The following LARP4B variants were observed in gnomAD, a reference collection of about 807,000 sequenced individuals.
LARP4B encodes la-related protein 4B.
A neutral mutation model predicts 89.8 loss-of-function variants in LARP4B; 12 were observed. The ratio of observed to expected loss-of-function variants is 0.13; its 90% CI spans 0.09 to 0.22. LARP4B has a LOEUF of 0.22. Among genes scored for constraint, LARP4B ranks in the 10% least tolerant of loss-of-function variants. LARP4B has a pLI of 1.00. For missense variants in LARP4B, 757 were observed against 947.7 expected, an observed-to-expected ratio of 0.80 and a Z score of 2.64; for synonymous variants, 367 against 363.3, an observed-to-expected ratio of 1.01 and a Z score of -0.12.
chr10:921,627 T>A (rs2132048598), intron 1 of LARP4B, among the ~76,000 whole-genome samples: 1 of 152,292 alleles, frequency 6.6e-6, no homozygotes, highest in Admixed American at 6.5e-5. Context: ...TTGTGGTCAC[T>A]CGGAATCCTA....
chr10:859,024 C>A (rs931692474), intron 5 of LARP4B, among the ~76,000 whole-genome samples: 1 of 152,024 alleles, frequency 6.6e-6, no homozygotes, highest in African/African-American at 2.4e-5. Context: ...TGGTGGCTCA[C>A]GCCTGTAATC....
the LARP4B span, among the ~76,000 whole-genome samples, chr10:941,552 C>T: frequency 6.6e-6 from 1 of 152,112 alleles, no homozygotes; most frequent in Non-Finnish European, 1.5e-5. Context: ...GAACTCCTAA[C>T]CTCAGGTGAT....
At chr10:952,269 G>A in the LARP4B span, among the ~76,000 whole-genome samples, 171 of 149,788 alleles carry the variant, frequency 1.1e-3, 2 homozygotes, top group African/African-American at 4.0e-3. Flanking sequence ...GAACCTGGGA[G>A]GTGGAGCTTG....
At chr10:982,830 G>A in the LARP4B span, among the ~76,000 whole-genome samples, 62 of 152,362 alleles carry the variant, frequency 4.1e-4, no homozygotes, top group Middle Eastern at 0.017. Flanking sequence ...AGCTGAAACA[G>A]ACTATAAGGC....
chr10:816,061 T>C (rs924270704), intron 15 of LARP4B, among the ~76,000 whole-genome samples: 1 of 152,206 alleles, frequency 6.6e-6, no homozygotes, highest in Admixed American at 6.5e-5. Flanking sequence ...AAACCCCATC[T>C]CTACTAATAA....
the LARP4B span, among the ~76,000 whole-genome samples, chr10:956,996 A>G: frequency 2.0e-5 from 3 of 152,278 alleles, no homozygotes; most frequent in South Asian, 2.1e-4. The surrounding 1 kb of genome is among the most constrained non-coding windows in gnomAD (Gnocchi z 4.3). Flanking sequence ...GCTCCTTTAC[A>G]TCCTGTCATT....
chr10:882,771 T>C (rs1436755649), intron 3 of LARP4B, among the ~76,000 whole-genome samples: 3 of 152,304 alleles, frequency 2.0e-5, no homozygotes, highest in Non-Finnish European at 4.4e-5. Context: ...GCAAATCTGC[T>C]CCTGAATTAT....
chr10:932,082 C>T (rs1400846134), upstream of LARP4B, among the ~76,000 whole-genome samples: 1 of 151,498 alleles, frequency 6.6e-6, no homozygotes, highest in African/African-American at 2.4e-5. Flanking sequence ...GGTCCTCCGC[C>T]ACCGCGTGCG....
At chr10:842,518 T>C (rs1006060310) in intron 7 of LARP4B, among the ~76,000 whole-genome samples, 10 of 152,116 alleles carry the variant, frequency 6.6e-5, no homozygotes, top group East Asian at 1.9e-4. Context: ...TTAAGAAAAA[T>C]TGCAATAATT....
chr10:881,526 G>A (rs187897458), intron 3 of LARP4B, among the ~76,000 whole-genome samples: 11 of 152,180 alleles, frequency 7.2e-5, no homozygotes, highest in Admixed American at 2.0e-4. Flanking sequence ...TGACCACTCC[G>A]CGTCCTAGAT....
chr10:884,222 G>T (rs73584591), intron 3 of LARP4B, among the ~76,000 whole-genome samples: 4,326 of 152,214 alleles, frequency 0.028, 118 homozygotes, highest in African/African-American at 0.072. Flanking sequence ...GCTGCTGTTG[G>T]CAGAACTGCA....
intron 5 of LARP4B, among the ~76,000 whole-genome samples, chr10:845,893 C>A (rs1158712726): frequency 6.6e-6 from 1 of 152,168 alleles, no homozygotes; most frequent in East Asian, 1.9e-4. Flanking sequence ...ACACTTGTAT[C>A]TTAAAAGTCA....
the LARP4B span, among the ~76,000 whole-genome samples, chr10:941,735 A>T: frequency 6.6e-6 from 1 of 151,674 alleles, no homozygotes; most frequent in Non-Finnish European, 1.5e-5. Context: ...TATTTCAGTT[A>T]TTTTTTTATT....
At chr10:815,405 A>G (rs1831986349) in intron 15 of LARP4B, 1 of 181,576 alleles carries the variant, frequency 5.5e-6, no homozygotes, top group African/African-American at 2.4e-5. Context: ...ACGGCACGGC[A>G]CAACACCACA....
At chr10:808,725 G>GT (rs1491528072), downstream of LARP4B, 20 of 102,704 alleles carry the variant, frequency 1.9e-4, no homozygotes, top group African/African-American at 1.2e-3. Flanking sequence ...GATTAAAAGC[G>GT]TGTGTGTGTG....
chr10:877,701 G>T (rs965449769), intron 3 of LARP4B, among the ~76,000 whole-genome samples: 3 of 152,194 alleles, frequency 2.0e-5, no homozygotes, highest in Non-Finnish European at 4.4e-5. Context: ...AGTGTTAGGA[G>T]AGTGCACAGT....
chr10:912,939 T>C (rs186702775), intron 1 of LARP4B, among the ~76,000 whole-genome samples: 93 of 152,308 alleles, frequency 6.1e-4, no homozygotes, highest in Non-Finnish European at 1.0e-3. Context: ...AACTGACATC[T>C]GTAAGGGCAT....
At chr10:949,722 T>C in the LARP4B span, among the ~76,000 whole-genome samples, 2 of 152,236 alleles carry the variant, frequency 1.3e-5, no homozygotes, top group Non-Finnish European at 2.9e-5. Flanking sequence ...CTCTCGGACA[T>C]CTCTTCTTGT....
intron 3 of LARP4B, chr10:869,939 A>AAT: frequency 5.4e-6 from 1 of 186,320 alleles, no homozygotes; most frequent in Non-Finnish European, 9.6e-6. Flanking sequence ...AATAATAATA[A>AAT]TAATAATAAT....
Sources: gnomAD v4.1 joint callset for allele counts (sites outside exome capture counted in the v4.1 genomes callset) on GRCh38, gnomAD v4.1.1 for gene constraint, Gnocchi (gnomAD v3.1) non-coding constraint, MANE v1.5 for transcripts, NCBI Gene and HGNC (gene_info 2026-07-23, HGNC 2026-07-21) for gene names.